The following FDFT1 variants were observed in gnomAD, a reference collection of about 807,000 sequenced individuals.
FDFT1 encodes the protein farnesyl-diphosphate farnesyltransferase 1.
FDFT1 carries 68 observed loss-of-function variants against 46.8 expected under a neutral mutation model. The ratio of observed to expected loss-of-function variants is 1.45; its 90% CI spans 1.19 to 1.78. FDFT1 has a LOEUF of 1.78. Ranked by LOEUF, FDFT1 falls within the 40% of genes most tolerant of loss-of-function variation. The probability of loss-of-function intolerance (pLI) is 0.00; values close to 1 mark genes in which losing one functional copy is unlikely to be tolerated. For missense variants in FDFT1, 928 were observed against 524.4 expected (o/e 1.77, Z -7.52); for synonymous variants, 351 against 185.1 (o/e 1.90, Z -7.28).
upstream of FDFT1, chr8:11,797,999 C>G (rs1007618227): frequency 6.6e-6 from 1 of 152,196 alleles, no homozygotes; most frequent in African/African-American, 2.4e-5. Flanking sequence ...GGCTTGATTT[C>G]CTTTAAATCA....
upstream of FDFT1, among the ~76,000 whole-genome samples, chr8:11,797,604 C>A (rs1585821529): frequency 2.0e-5 from 2 of 100,940 alleles, no homozygotes; most frequent in African/African-American, 7.8e-5. Context: ...CCAGCCTGGA[C>A]AACATAAGAC....
rs1807421475 is a variant in FDFT1 at position 11,809,654 on chromosome 8, C to T, written c.198-13C>T. Reference sequence around the variant, plus strand: ...TTTGTTCCAATATATTAATAGTTTTCCCTTTTTTACAGCAACGCAGTGTGC... The same window carrying T: ...TTTGTTCCAATATATTAATAGTTTTTCCTTTTTTACAGCAACGCAGTGTGC... On this transcript the variant is annotated splice_polypyrimidine_tract_variant and intron_variant, in intron 2 of 7. Coordinates refer to ENST00000220584, the MANE Select transcript of FDFT1 (RefSeq NM_004462.5). 6.3e-7 allele frequency: 1 copy of T among 1,579,790 alleles called. No homozygotes were observed. The highest frequency in any genetic ancestry group is 2.2e-5 in the East Asian group (1 of 44,516).
intron 7 of FDFT1, among the ~76,000 whole-genome samples, chr8:11,836,469 G>T (rs181930342): frequency 6.6e-6 from 1 of 152,296 alleles, no homozygotes; most frequent in East Asian, 1.9e-4. Flanking sequence ...AGGAGGTGAG[G>T]GCCACCTCTC....
At position 11,838,598 on chromosome 8, in the gene FDFT1, G is replaced by T; in HGVS notation, c.1243G>T (p.Gly415Ter). ...GGTAACAGAAGACTATGTTCAGACTGGAGAACACTGATCCCAAATTTGTCC... is the reference window on the plus strand; with the variant it reads ...GGTAACAGAAGACTATGTTCAGACTTGAGAACACTGATCCCAAATTTGTCC... ...SQVTEDYVQTGEH is the reference protein window; with the variant it reads ...SQVTEDYVQT Residue 415 changes from glycine (G) to a stop codon, truncating the protein, a stop_gained, in exon 8 of 8, where the codon GGA (glycine) becomes TGA (stop). Transcript: ENST00000220584. LOFTEE classifies it high-confidence loss of function. The T allele has an allele frequency of 6.2e-7, 1 of 1,613,514 alleles. No individual in the cohort carries two copies. Among genetic ancestry groups the T allele is most frequent in the South Asian group, 1.1e-5 (1 of 91,066 alleles).
chr8:11,809,590 C>G, intron 2 of FDFT1, 77 bp from the exon 3 acceptor site: 1 of 1,426,428 alleles, frequency 7.0e-7, no homozygotes, highest in Non-Finnish European at 9.4e-7. Context: ...TAGAAAGTGG[C>G]CAGGCACAAG....
At chr8:11,802,312 G>C (rs1806206130), upstream of FDFT1, 1 of 398,966 alleles carries the variant, frequency 2.5e-6, no homozygotes, top group Non-Finnish European at 5.0e-6. Context: ...CACCGAGGCC[G>C]GACACGTGGG....
intron 3 of FDFT1, among the ~76,000 whole-genome samples, chr8:11,816,122 G>A (rs1220440896): frequency 6.6e-6 from 1 of 152,186 alleles, no homozygotes; most frequent in African/African-American, 2.4e-5. Context: ...TATTAAATAG[G>A]GAATCCTTTC....
rs749863922 is a variant in FDFT1 at position 11,821,736 on chromosome 8, G to T, written c.382-14G>T. On this transcript the variant is annotated splice_polypyrimidine_tract_variant and intron_variant, in intron 3 of 7. Coordinates refer to ENST00000220584, the MANE Select transcript of FDFT1 (RefSeq NM_004462.5). ...TATTTCATGATTTCTGTGTTTTTAC[G>T]GTTTCCATTTCAGATCTCCCTTGAG... 6.2e-7 allele frequency: 1 copy of T among 1,611,682 alleles called. No homozygotes were observed. Among genetic ancestry groups the T allele is most frequent in the Non-Finnish European group, 8.5e-7 (1 of 1,178,436 alleles).
intron 3 of FDFT1, among the ~76,000 whole-genome samples, chr8:11,816,512 C>A (rs1295236771): frequency 6.6e-6 from 1 of 152,188 alleles, no homozygotes; most frequent in Admixed American, 6.5e-5. Flanking sequence ...ATGGAATGTT[C>A]TTCCATTTGT....
chr8:11,803,280 G>A (rs1451834067), intron 1 of FDFT1: 2 of 1,325,434 alleles, frequency 1.5e-6, no homozygotes, highest in Non-Finnish European at 2.0e-6. Flanking sequence ...TTACGCGGGA[G>A]AGGACGAGTG....
intron 7 of FDFT1, among the ~76,000 whole-genome samples, chr8:11,834,264 G>C (rs1299214834): frequency 6.6e-6 from 1 of 152,210 alleles, no homozygotes; most frequent in Non-Finnish European, 1.5e-5. Context: ...CCACACTGCA[G>C]GGCCCTCACC....
chr8:11,835,923 C>G (rs897017859), intron 7 of FDFT1, among the ~76,000 whole-genome samples: 1 of 129,078 alleles, frequency 7.7e-6, no homozygotes, highest in African/African-American at 2.8e-5. Flanking sequence ...CACTTGAGGT[C>G]AGGAGTGCGA....
exon 1 of FDFT1, chr8:11,795,607 A>T (rs1263384550): frequency 1.3e-5 from 2 of 149,862 alleles, no homozygotes; most frequent in Non-Finnish European, 3.0e-5. Context: ...TTGCTTTACA[A>T]CGCTTGGGAA....
chr8:11,796,938 T>C (rs559061164), intron 1 of FDFT1, among the ~76,000 whole-genome samples: 1 of 152,250 alleles, frequency 6.6e-6, no homozygotes, highest in Non-Finnish European at 1.5e-5. Context: ...GCAGGCAGTG[T>C]GCTGAAAGCA....
intron 3 of FDFT1, among the ~76,000 whole-genome samples, chr8:11,817,251 T>G (rs1429903565): frequency 6.6e-6 from 1 of 152,228 alleles, no homozygotes; most frequent in African/African-American, 2.4e-5. Context: ...CTTTTTGATG[T>G]GCTGCTGGAT....
intron 3 of FDFT1, among the ~76,000 whole-genome samples, chr8:11,815,024 C>G (rs771087574): frequency 5.6e-4 from 85 of 152,262 alleles, no homozygotes; most frequent in Middle Eastern, 3.4e-3. Context: ...CCTTGGCCCC[C>G]CACCCCACAA....
chr8:11,797,900 G>C (rs532531472), upstream of FDFT1: 1 of 152,264 alleles, frequency 6.6e-6, no homozygotes, highest in Non-Finnish European at 1.5e-5. Context: ...GGGTGTGAAA[G>C]TAGTACAAGA....
chr8:11,836,144 C>T (rs1403238487), intron 7 of FDFT1, among the ~76,000 whole-genome samples: 3 of 100,890 alleles, frequency 3.0e-5, no homozygotes, highest in Non-Finnish European at 6.7e-5. Context: ...CAGAGCGAGA[C>T]ACCATCTTAA....
intron 2 of FDFT1, 119 bp downstream of exon 2, chr8:11,809,010 C>G: frequency 4.8e-6 from 7 of 1,452,614 alleles, no homozygotes; most frequent in South Asian, 1.3e-5. Flanking sequence ...TGTGGCTTAT[C>G]CAGAACATAG....
Sources: gnomAD v4.1 joint callset for allele counts (sites outside exome capture counted in the v4.1 genomes callset) on GRCh38, gnomAD v4.1.1 for gene constraint, MANE v1.5 for transcripts, NCBI Gene and HGNC (gene_info 2026-07-23, HGNC 2026-07-21) for gene names.